The following TNKS variants were observed in gnomAD, a reference collection of about 807,000 sequenced individuals.
TNKS encodes tankyrase.
In TNKS, 72 loss-of-function variants were observed where a neutral mutation model predicts 135.8. That is an observed-to-expected ratio of 0.53 (90% CI 0.44 to 0.64). The LOEUF is 0.64. TNKS is among the 30% of genes least tolerant of loss of function. The probability of loss-of-function intolerance (pLI) is 0.00; values close to 1 mark genes in which losing one functional copy is unlikely to be tolerated. For missense variants in TNKS, 1,769 were observed against 1,674.0 expected, an observed-to-expected ratio of 1.06 and a Z score of -0.99; for synonymous variants, 849 against 649.3, an observed-to-expected ratio of 1.31 and a Z score of -4.68.
At chr8:9,714,406 G>C (rs1585365151) in intron 11 of TNKS, among the ~76,000 whole-genome samples, 1 of 151,468 alleles carries the variant, frequency 6.6e-6, no homozygotes, top group Non-Finnish European at 1.5e-5. Context: ...TAATGTTTTG[G>C]TTATTTGTGA....
At chr8:9,717,809 T>G (rs13272424) in intron 11 of TNKS, among the ~76,000 whole-genome samples, 87,637 of 151,876 alleles carry the variant, frequency 0.58, 25,729 homozygotes, top group Middle Eastern at 0.69. Context: ...AAGTATAGAT[T>G]GATTTATATT....
rs996450641 is a variant in TNKS, at chr8:9,569,627, C to A, written c.674-10532C>A. ...TATGTGTGTTCTATTATGAATAGTG[C>A]TGCTATGAACATTTTTGTACACGTC... On this transcript the variant is annotated intron_variant, in intron 1 of 26. Transcript: ENST00000310430. Among the ~76,000 whole-genome samples, 5 of 152,278 alleles carry A rather than the reference C, an allele frequency of 3.3e-5. No homozygotes were observed. In the East Asian group the frequency reaches 5.8e-4, roughly 18 times the overall value.
At chr8:9,644,284 G>A (rs1194763148) in intron 3 of TNKS, among the ~76,000 whole-genome samples, 1 of 152,142 alleles carries the variant, frequency 6.6e-6, no homozygotes, top group East Asian at 1.9e-4. Flanking sequence ...CTCTGGTAGT[G>A]GCTGAGGTGA....
At chr8:9,708,342 T>C (rs1804153066) in intron 8 of TNKS, 29 bp from the exon 9 acceptor site, 1 of 1,512,478 alleles carries the variant, frequency 6.6e-7, no homozygotes, top group African/African-American at 1.4e-5. Context: ...TTACATCTTT[T>C]TTTATGTCAA....
In TNKS at chr8:9,624,922, A is replaced by G. The variant is rs147070231; in HGVS notation, c.994+9245A>G. On this transcript the variant is annotated intron_variant, in intron 3 of 26. Transcript: ENST00000310430. The stretch of plus-strand genomic sequence containing the variant: ...GCTGTATAAGTAGTTTTGTTATACT[A>G]TATTTTATTTGTATTATTATTATTG... Among the ~76,000 whole-genome samples, 60 of 152,234 alleles carry G rather than the reference A, an allele frequency of 3.9e-4. No homozygotes were observed. In the East Asian group the frequency reaches 4.4e-3, roughly 11 times the overall value.
intron 14 of TNKS, among the ~76,000 whole-genome samples, chr8:9,732,541 T>C (rs1805496126): frequency 1.3e-5 from 2 of 151,936 alleles, no homozygotes. Context: ...TTTGCTTCTA[T>C]TGCTCATTTT....
intron 5 of TNKS, among the ~76,000 whole-genome samples, chr8:9,703,467 A>C (rs991517291): frequency 6.6e-6 from 1 of 152,242 alleles, no homozygotes; most frequent in South Asian, 2.1e-4. Flanking sequence ...CACGAGTAGC[A>C]TGACTTCCAC....
intron 2 of TNKS, among the ~76,000 whole-genome samples, chr8:9,587,613 A>G (rs1798436601): frequency 6.6e-6 from 1 of 152,044 alleles, no homozygotes; most frequent in Non-Finnish European, 1.5e-5. Flanking sequence ...CATGTTAGCC[A>G]GGGTGGTCTC....
intron 3 of TNKS, among the ~76,000 whole-genome samples, chr8:9,665,875 A>G (rs185787781): frequency 1.4e-4 from 22 of 152,268 alleles, no homozygotes; most frequent in African/African-American, 4.8e-4. Context: ...CTCAGAGTCT[A>G]CGCACCTCAA....
intron 19 of TNKS, 151 bp downstream of exon 19, chr8:9,751,997 C>T (rs1806569545): frequency 1.4e-6 from 1 of 710,858 alleles, no homozygotes; most frequent in Non-Finnish European, 2.3e-6. Context: ...AATATTTCTT[C>T]ATAGAAGGCT....
At chr8:9,752,660 A>T in intron 20 of TNKS, 34 bp downstream of exon 20, 3 of 1,407,874 alleles carry the variant, frequency 2.1e-6, no homozygotes, top group Non-Finnish European at 3.0e-6. Flanking sequence ...AGTCATTTAA[A>T]TTAAATACTA....
intron 3 of TNKS, among the ~76,000 whole-genome samples, chr8:9,633,774 C>T (rs957734073): frequency 6.6e-6 from 1 of 152,176 alleles, no homozygotes; most frequent in East Asian, 1.9e-4. Flanking sequence ...ACTGAAGTCT[C>T]TGGCCAGTAG....
intron 25 of TNKS, among the ~76,000 whole-genome samples, chr8:9,766,959 G>T (rs989902624): frequency 1.2e-4 from 18 of 152,132 alleles, no homozygotes; most frequent in African/African-American, 4.1e-4. Flanking sequence ...CTCCAGTCAC[G>T]GGTTATGATA....
intron 2 of TNKS, among the ~76,000 whole-genome samples, chr8:9,613,219 G>T (rs900222348): frequency 2.0e-5 from 3 of 152,188 alleles, no homozygotes; most frequent in African/African-American, 7.2e-5. Context: ...GAAAGAGTTA[G>T]CTGACCCCTG....
chr8:9,636,827 C>A (rs1800529995), intron 3 of TNKS, among the ~76,000 whole-genome samples: 1 of 152,160 alleles, frequency 6.6e-6, no homozygotes, highest in Non-Finnish European at 1.5e-5. Context: ...AGCTTATTAG[C>A]CAAATTAGCC....
chr8:9,750,543 A>G (rs1255707993), intron 18 of TNKS, among the ~76,000 whole-genome samples: 1 of 152,160 alleles, frequency 6.6e-6, no homozygotes, highest in Non-Finnish European at 1.5e-5. Flanking sequence ...GCTACACAGC[A>G]TTAGTCCCCT....
At position 9,748,222 on chromosome 8, in the gene TNKS, C is replaced by T. The variant is rs1352763011; in HGVS notation, c.2832+10C>T. ...TCTGGATCTGGCAACAGTAAGTCCTCATTTCAGATACTGATTATTGTTCCT... is the reference window on the plus strand; with the variant it reads ...TCTGGATCTGGCAACAGTAAGTCCTTATTTCAGATACTGATTATTGTTCCT... On this transcript the variant is annotated intron_variant, in intron 18 of 26. Coordinates refer to ENST00000310430, the MANE Select transcript of TNKS (RefSeq NM_003747.3). 3 of 1,513,690 alleles carry T rather than the reference C, an allele frequency of 2.0e-6. No individual in the cohort carries two copies. The highest frequency in any genetic ancestry group is 2.7e-6 in the Non-Finnish European group (3 of 1,127,156). The allele number at this position is 1,513,690 out of a possible 1,614,324, so 93.8% of individuals were successfully genotyped here.
intron 3 of TNKS, among the ~76,000 whole-genome samples, chr8:9,629,983 A>G (rs1026114366): frequency 3.3e-5 from 5 of 152,150 alleles, no homozygotes; most frequent in African/African-American, 7.2e-5. Context: ...TGTCCGGCCA[A>G]CTACTTTCTC....
At chr8:9,711,639 T>C (rs1804339544) in intron 11 of TNKS, among the ~76,000 whole-genome samples, 1 of 152,166 alleles carries the variant, frequency 6.6e-6, no homozygotes, top group East Asian at 1.9e-4. Context: ...TTAATAGTTC[T>C]CTGAGGACAA....
Sources: allele counts gnomAD v4.1 joint callset (sites outside exome capture counted in the v4.1 genomes callset), GRCh38; gene constraint gnomAD v4.1.1; transcripts MANE v1.5; gene names NCBI Gene and HGNC (gene_info 2026-07-23, HGNC 2026-07-21).